APAF1: variants seen among roughly 807,000 people sequenced by gnomAD.
APAF1 encodes apoptotic peptidase activating factor 1.
A neutral mutation model predicts 152.4 loss-of-function variants in APAF1; 91 were observed. The observed-to-expected ratio is 0.60, with a 90% CI of 0.50 to 0.71. APAF1 has a LOEUF of 0.71. APAF1 is among the 30% of genes least tolerant of loss of function. The pLI is 0.00. For synonymous variants in APAF1, 484 were observed against 494.1 expected (o/e 0.98, Z 0.27); for missense variants, 1,283 against 1,472.0 (o/e 0.87, Z 2.10).
intron 16 of APAF1, among the ~76,000 whole-genome samples, chr12:98,687,925 C>T (rs773530484): frequency 2.0e-5 from 3 of 152,098 alleles, no homozygotes; most frequent in Non-Finnish European, 4.4e-5. Flanking sequence ...GATTCTCGTG[C>T]CCCAGTCTCC....
In APAF1 at chr12:98,725,427, G is replaced by T; in HGVS notation, c.3343G>T (p.Asp1115Tyr). 6.2e-7 allele frequency: 1 copy of T among 1,614,040 alleles called. No homozygotes were observed. Among genetic ancestry groups the T allele is most frequent in the South Asian group, 1.1e-5 (1 of 91,066 alleles). ...AATTGCCTTCCAGATCTGGAGTTTTGATCTCCTTTTGCCACTTCATGAATT... is the reference window on the plus strand; with the variant it reads ...AATTGCCTTCCAGATCTGGAGTTTTTATCTCCTTTTGCCACTTCATGAATT... ...ADKTAKIWSF[D>Y]LLLPLHELRG... Residue 1115 changes from aspartate to tyrosine, a missense_variant, in exon 25 of 27, where the codon GAT becomes TAT. Physicochemically the swap from Asp to Tyr is radical, Grantham distance 160. Coordinates refer to ENST00000551964, the MANE Select transcript of APAF1 (RefSeq NM_181861.2).
intron 16 of APAF1, among the ~76,000 whole-genome samples, 192 bp downstream of exon 16, chr12:98,687,065 T>A (rs187998489): frequency 6.9e-4 from 105 of 152,324 alleles, no homozygotes; most frequent in African/African-American, 2.3e-3. Context: ...AACCTAATGC[T>A]TAAAGTTCTA....
At chr12:98,674,338 G>A (rs924742509) in intron 12 of APAF1, among the ~76,000 whole-genome samples, 4 of 152,026 alleles carry the variant, frequency 2.6e-5, no homozygotes, top group South Asian at 4.1e-4. Flanking sequence ...AAAAACAATA[G>A]TAATAGGATG....
At chr12:98,729,280 A>C (rs1447019434) in intron 26 of APAF1, among the ~76,000 whole-genome samples, 1 of 152,172 alleles carries the variant, frequency 6.6e-6, no homozygotes, top group Non-Finnish European at 1.5e-5. Flanking sequence ...GTTTCCTTGG[A>C]AGACAATTTT....
intron 14 of APAF1, among the ~76,000 whole-genome samples, 200 bp from the exon 15 acceptor site, chr12:98,682,943 A>G (rs1487236246): frequency 6.6e-6 from 1 of 152,206 alleles, no homozygotes; most frequent in Admixed American, 6.5e-5. Flanking sequence ...GTATATTTGC[A>G]AATAATTTTT....
At chr12:98,671,887 G>T (rs951021378) in intron 12 of APAF1, among the ~76,000 whole-genome samples, 168 bp downstream of exon 12, 1 of 152,182 alleles carries the variant, frequency 6.6e-6, no homozygotes, top group Admixed American at 6.5e-5. Flanking sequence ...AAGCATAGGA[G>T]AAAATGATTG....
intron 7 of APAF1, among the ~76,000 whole-genome samples, chr12:98,665,278 ATTT>A (rs376318016): frequency 3.6e-4 from 24 of 65,984 alleles, no homozygotes; most frequent in South Asian, 2.7e-3. Flanking sequence ...ATATATATAT[ATTT>A]TTTTTTTTTT....
chr12:98,683,714 C>G (rs1410319036), intron 15 of APAF1, among the ~76,000 whole-genome samples: 1 of 152,172 alleles, frequency 6.6e-6, no homozygotes, highest in Non-Finnish European at 1.5e-5. Flanking sequence ...ATGCTCATAG[C>G]TAGGGTAACC....
At chr12:98,689,533 C>G (rs76362318) in intron 16 of APAF1, among the ~76,000 whole-genome samples, 1 of 151,302 alleles carries the variant, frequency 6.6e-6, no homozygotes, top group Non-Finnish European at 1.5e-5. Flanking sequence ...TCACCCAGGC[C>G]GGAGTGCAGT....
At chr12:98,687,787 G>A (rs1013634740) in intron 16 of APAF1, among the ~76,000 whole-genome samples, 1 of 152,090 alleles carries the variant, frequency 6.6e-6, no homozygotes, top group Non-Finnish European at 1.5e-5. Context: ...AGATCTATGG[G>A]TCAGGTTTGT....
intron 20 of APAF1, among the ~76,000 whole-genome samples, chr12:98,711,846 A>ATTTTTTTTTTTTTTTTT (rs1565888792): frequency 2.0e-5 from 3 of 151,252 alleles, no homozygotes; most frequent in Admixed American, 1.3e-4. Flanking sequence ...AAGAATCTTA[A>ATTTTTTTTTTTTTTTTT]TTTACACTGT....
intron 12 of APAF1, among the ~76,000 whole-genome samples, chr12:98,675,236 A>G (rs1355693016): frequency 3.3e-5 from 5 of 152,204 alleles, no homozygotes; most frequent in Admixed American, 6.5e-5. Flanking sequence ...GTTTTCAATG[A>G]AATTATTTAT....
chr12:98,700,389 AAT>A (rs1261089125), intron 17 of APAF1, among the ~76,000 whole-genome samples: 1 of 152,216 alleles, frequency 6.6e-6, no homozygotes, highest in Non-Finnish European at 1.5e-5. Context: ...GCATAATTGA[AAT>A]ATAAAATATG....
chr12:98,707,877 GAAATAAGCTGCATCACTA>G (rs2097723449), intron 19 of APAF1, among the ~76,000 whole-genome samples: 1 of 152,158 alleles, frequency 6.6e-6, no homozygotes. Flanking sequence ...TTCTTGAAAT[GAAATAAGCTGCATCACTA>G]GACACAGTTA....
intron 14 of APAF1, among the ~76,000 whole-genome samples, chr12:98,680,951 T>A (rs537002947): frequency 1.2e-4 from 19 of 152,358 alleles, no homozygotes; most frequent in Admixed American, 4.6e-4. Context: ...CCAATTTTTT[T>A]AATTTGCTTA....
chr12:98,657,342 T>C (rs144787965), intron 4 of APAF1, among the ~76,000 whole-genome samples: 1 of 152,340 alleles, frequency 6.6e-6, no homozygotes, highest in East Asian at 1.9e-4. Context: ...GCACATACTC[T>C]TGACTCTTTA....
At chr12:98,666,133 C>G (rs923486452) in intron 8 of APAF1, 57 bp from the exon 9 acceptor site, 1 of 1,515,748 alleles carries the variant, frequency 6.6e-7, no homozygotes, top group Non-Finnish European at 9.2e-7. Flanking sequence ...TAATACCTGT[C>G]TACAGTCCTG....
intron 4 of APAF1, among the ~76,000 whole-genome samples, chr12:98,653,525 C>A (rs544065483): frequency 6.7e-6 from 1 of 150,012 alleles, no homozygotes; most frequent in Non-Finnish European, 1.5e-5. Flanking sequence ...GGCGTGGTGG[C>A]GCATGCCTGT....
chr12:98,723,068 T>A (rs571077410), intron 22 of APAF1, 125 bp from the exon 23 acceptor site: 76 of 983,818 alleles, frequency 7.7e-5, no homozygotes, highest in Non-Finnish European at 1.2e-4. Flanking sequence ...CTCTTATTCC[T>A]CTCTGTTTTA....
Sources: allele counts gnomAD v4.1 joint callset (sites outside exome capture counted in the v4.1 genomes callset), GRCh38; gene constraint gnomAD v4.1.1; transcripts MANE v1.5; gene names NCBI Gene and HGNC (gene_info 2026-07-23, HGNC 2026-07-21).